The following ZFPM2 variants were observed in gnomAD, a reference collection of about 807,000 sequenced individuals.
ZFPM2 encodes the protein zinc finger protein, FOG family member 2, also known as zinc finger protein ZFPM2.
In ZFPM2, 20 loss-of-function variants were observed where a neutral mutation model predicts 98.6. The ratio of observed to expected loss-of-function variants is 0.20; its 90% CI spans 0.14 to 0.29. The LOEUF (loss-of-function observed/expected upper bound fraction) is 0.29, where lower values mean the gene tolerates loss of function less well. ZFPM2 is among the 10% of genes least tolerant of loss of function. The pLI, the probability that ZFPM2 is intolerant of heterozygous loss-of-function variation, is 1.00. For synonymous variants in ZFPM2, 518 were observed against 502.7 expected (o/e 1.03, Z -0.41); for missense variants, 1,310 against 1,388.6 (o/e 0.94, Z 0.90).
intron 3 of ZFPM2, among the ~76,000 whole-genome samples, chr8:105,552,812 C>CTT (rs781365155): frequency 3.8e-4 from 43 of 112,422 alleles, no homozygotes; most frequent in African/African-American, 1.0e-3. Context: ...TTCAGATGTT[C>CTT]TTTTTTTTTT....
rs1455046452 is a variant in ZFPM2, at chr8:105,680,935, ATAAAG to A, written c.532+46582_532+46586del. ...TATCAAGGAGCAGACAACAAACAATATAAAGTAATTACCACAAATACAAAAAAGCA... is the reference window on the plus strand; with the variant it reads ...TATCAAGGAGCAGACAACAAACAATATAATTACCACAAATACAAAAAAGCA... On this transcript the variant is annotated intron_variant, in intron 5 of 7. Transcript: ENST00000407775. Among the ~76,000 whole-genome samples, 8 of 152,322 alleles carry A rather than the reference ATAAAG, an allele frequency of 5.3e-5. No homozygotes were observed. The East Asian group carries it at 7.7e-4, about 15-fold the overall frequency.
At chr8:105,487,710 A>G (rs1196137668) in intron 3 of ZFPM2, among the ~76,000 whole-genome samples, 1 of 152,160 alleles carries the variant, frequency 6.6e-6, no homozygotes, top group Non-Finnish European at 1.5e-5. Context: ...TAGGAATTAA[A>G]AAAAAACTCT....
chr8:105,763,222 T>G (rs1001071425), intron 5 of ZFPM2, among the ~76,000 whole-genome samples: 2 of 151,882 alleles, frequency 1.3e-5, no homozygotes, highest in Non-Finnish European at 2.9e-5. Context: ...CATAACTATT[T>G]TCTAGATTTC....
At chr8:105,350,846 G>T (rs1228680163) in intron 1 of ZFPM2, among the ~76,000 whole-genome samples, 1 of 152,084 alleles carries the variant, frequency 6.6e-6, no homozygotes, top group Non-Finnish European at 1.5e-5. Context: ...GTGGAGAATT[G>T]GTTTCAGAAC....
rs60218363 is a variant in ZFPM2 at position 105,653,854 on chromosome 8, C to CTTTTTTTTTTTTTTTTTTTTTTTTT, written c.532+19506_532+19530dup. On this transcript the variant is annotated intron_variant, in intron 5 of 7. Coordinates refer to ENST00000407775, the MANE Select transcript of ZFPM2 (RefSeq NM_012082.4). ...CTTTATACAACAGCTTGTGTGCTATCTTTTTTTTTTTTTTTTTTTTTTTTT... is the reference window on the plus strand; with the variant it reads ...CTTTATACAACAGCTTGTGTGCTATCTTTTTTTTTTTTTTTTTTTTTTTTTTTTTTTTTTTTTTTTTTTTTTTTTT... Among the ~76,000 whole-genome samples the CTTTTTTTTTTTTTTTTTTTTTTTTT allele has an allele frequency of 4.0e-4, 14 of 35,260 alleles. 3 individuals are homozygous for CTTTTTTTTTTTTTTTTTTTTTTTTT. Among genetic ancestry groups the CTTTTTTTTTTTTTTTTTTTTTTTTT allele is most frequent in the East Asian group, 8.9e-4 (1 of 1,118 alleles). The allele number at this position is 35,260 out of a possible 152,430, so 23.1% of individuals were successfully genotyped here.
Position 105,508,265 on chromosome 8 carries a change from C to T in ZFPM2, c.302-53098C>T, listed in dbSNP as rs75655634. On this transcript the variant is annotated intron_variant, in intron 3 of 7. Coordinates refer to ENST00000407775, the MANE Select transcript of ZFPM2 (RefSeq NM_012082.4). ...GTCCAACCAGTAACAGTTTCCTGGC[C>T]GTGTCACTAATTCCTGCTGGAAACT... Among the ~76,000 whole-genome samples, 55 of 152,174 alleles carry T rather than the reference C, an allele frequency of 3.6e-4. No individual in the cohort carries two copies. The East Asian group carries it at 8.5e-3, about 24-fold the overall frequency.
intron 2 of ZFPM2, among the ~76,000 whole-genome samples, chr8:105,427,069 A>G (rs951688130): frequency 1.3e-5 from 2 of 152,154 alleles, no homozygotes; most frequent in Non-Finnish European, 2.9e-5. Context: ...GTCCCAAAAC[A>G]TAGTTTTTGT....
intron 4 of ZFPM2, among the ~76,000 whole-genome samples, chr8:105,591,767 A>C (rs2130765880): frequency 6.6e-6 from 1 of 152,294 alleles, no homozygotes; most frequent in Non-Finnish European, 1.5e-5. Flanking sequence ...GCAGTTATTA[A>C]AGTCCTCCAA....
At chr8:105,781,235 G>A (rs577650717) in intron 5 of ZFPM2, among the ~76,000 whole-genome samples, 1 of 152,250 alleles carries the variant, frequency 6.6e-6, no homozygotes, top group East Asian at 1.9e-4. Context: ...GTGCTTGATG[G>A]TTAGGTCGAA....
chr8:105,709,595 T>G (rs1018455842), intron 5 of ZFPM2, among the ~76,000 whole-genome samples: 2 of 152,088 alleles, frequency 1.3e-5, no homozygotes, highest in Non-Finnish European at 1.5e-5. Context: ...TAAATTGTAG[T>G]CCAGGATCAA....
intron 1 of ZFPM2, among the ~76,000 whole-genome samples, chr8:105,385,930 C>T (rs114076754): frequency 0.021 from 3,124 of 152,254 alleles, 96 homozygotes; most frequent in African/African-American, 0.071. Flanking sequence ...GCTTATATTC[C>T]AGTTCTGCAG....
intron 5 of ZFPM2, chr8:105,785,348 C>G (rs1313538058): frequency 2.0e-5 from 3 of 150,512 alleles, no homozygotes; most frequent in African/African-American, 5.0e-5. Context: ...CACACGCACA[C>G]TTGGACTTTG....
At chr8:105,625,895 A>G (rs1816643743) in intron 4 of ZFPM2, among the ~76,000 whole-genome samples, 1 of 151,842 alleles carries the variant, frequency 6.6e-6, no homozygotes, top group Non-Finnish European at 1.5e-5. Context: ...TATCACATCA[A>G]TAATGTTGAC....
intron 3 of ZFPM2, among the ~76,000 whole-genome samples, chr8:105,531,825 A>G (rs1586440065): frequency 6.6e-6 from 1 of 152,200 alleles, no homozygotes; most frequent in Non-Finnish European, 1.5e-5. Flanking sequence ...TAAACTAAAA[A>G]TGAAACAAAG....
intron 3 of ZFPM2, among the ~76,000 whole-genome samples, chr8:105,447,439 T>A (rs1812398125): frequency 6.6e-6 from 1 of 152,082 alleles, no homozygotes; most frequent in African/African-American, 2.4e-5. Flanking sequence ...TCAGTGATCA[T>A]TATTGTGGCT....
At chr8:105,772,512 A>C (rs960922438) in intron 5 of ZFPM2, among the ~76,000 whole-genome samples, 1 of 152,166 alleles carries the variant, frequency 6.6e-6, no homozygotes. Flanking sequence ...GAAGGAAAAC[A>C]GAAGAATGTA....
At chr8:105,569,410 C>G (rs1194842233) in intron 4 of ZFPM2, among the ~76,000 whole-genome samples, 1 of 152,180 alleles carries the variant, frequency 6.6e-6, no homozygotes, top group Non-Finnish European at 1.5e-5. Flanking sequence ...CGTCTGTGAT[C>G]TTGCTTCATC....
chr8:105,666,159 G>A (rs1206552090), intron 5 of ZFPM2, among the ~76,000 whole-genome samples: 2 of 152,080 alleles, frequency 1.3e-5, no homozygotes, highest in Non-Finnish European at 2.9e-5. Context: ...AGGGATGGGG[G>A]CAGGTGACTT....
At chr8:105,422,395 T>A (rs1021063767) in intron 2 of ZFPM2, among the ~76,000 whole-genome samples, 2 of 152,066 alleles carry the variant, frequency 1.3e-5, no homozygotes, top group Non-Finnish European at 2.9e-5. Context: ...CAGCCGAGAT[T>A]GAGCCACTGC....
Sources: allele counts gnomAD v4.1 joint callset (sites outside exome capture counted in the v4.1 genomes callset), GRCh38; gene constraint gnomAD v4.1.1; transcripts MANE v1.5; gene names NCBI Gene and HGNC (gene_info 2026-07-23, HGNC 2026-07-21).